Variants in MAGI1 observed in about 807,000 individuals in gnomAD.
MAGI1 encodes the protein membrane-associated guanylate kinase, WW and PDZ domain-containing protein 1.
A neutral mutation model predicts 139.9 loss-of-function variants in MAGI1; 58 were observed. The ratio of observed to expected loss-of-function variants is 0.41; its 90% confidence interval spans 0.34 to 0.52. MAGI1 has a LOEUF of 0.52. MAGI1 is among the 20% of genes least tolerant of loss of function. The probability of loss-of-function intolerance (pLI) is 0.12; values close to 1 mark genes in which losing one functional copy is unlikely to be tolerated. For missense variants in MAGI1, 1,874 were observed against 1,901.6 expected, an observed-to-expected ratio of 0.99 and a Z score of 0.27; for synonymous variants, 812 against 737.9, an observed-to-expected ratio of 1.10 and a Z score of -1.63.
At chr3:65,928,236 G>A (rs2062619489) in intron 1 of MAGI1, among the ~76,000 whole-genome samples, 3 of 152,168 alleles carry the variant, frequency 2.0e-5, no homozygotes, top group Admixed American at 2.0e-4. Context: ...GGTTCACTGA[G>A]TTTACAGTGG....
chr3:65,800,426 T>C (rs4688604), intron 1 of MAGI1, among the ~76,000 whole-genome samples: 26,910 of 152,142 alleles, frequency 0.18, 2,942 homozygotes, highest in East Asian at 0.33. Context: ...ATTTCTTTTT[T>C]ATCCCCACAA....
At chr3:65,507,221 G>A (rs967847963) in intron 2 of MAGI1, among the ~76,000 whole-genome samples, 2 of 152,236 alleles carry the variant, frequency 1.3e-5, no homozygotes, top group Non-Finnish European at 2.9e-5. Flanking sequence ...GCAGTATCAT[G>A]TTGAAGCAGG....
intron 5 of MAGI1, among the ~76,000 whole-genome samples, chr3:65,458,235 A>G (rs1390170402): frequency 6.6e-6 from 1 of 152,016 alleles, no homozygotes; most frequent in Non-Finnish European, 1.5e-5. Flanking sequence ...AATCATGACT[A>G]TGGCGAATAG....
At chr3:65,463,379 G>T (rs1231227893) in intron 5 of MAGI1, among the ~76,000 whole-genome samples, 4 of 152,128 alleles carry the variant, frequency 2.6e-5, no homozygotes, top group Non-Finnish European at 5.9e-5. Flanking sequence ...TTTGTCATTG[G>T]TTCTGTTTAT....
At chr3:65,529,430 C>T (rs1246399124) in intron 2 of MAGI1, among the ~76,000 whole-genome samples, 1 of 152,150 alleles carries the variant, frequency 6.6e-6, no homozygotes, top group Admixed American at 6.5e-5. Context: ...ATATTTCATA[C>T]AAATGGAATG....
chr3:65,451,919 A>G (rs937355405), intron 6 of MAGI1, among the ~76,000 whole-genome samples: 2 of 152,196 alleles, frequency 1.3e-5, no homozygotes, highest in African/African-American at 4.8e-5. Context: ...AAGTGCTGAG[A>G]TTACAGGTAT....
At chr3:65,522,604 A>T (rs1181160737) in intron 2 of MAGI1, among the ~76,000 whole-genome samples, 3 of 152,206 alleles carry the variant, frequency 2.0e-5, no homozygotes, top group Non-Finnish European at 2.9e-5. Context: ...TCTACACAGT[A>T]AAACACAAAT....
chr3:65,869,730 G>A (rs2059871982), intron 1 of MAGI1, among the ~76,000 whole-genome samples: 2 of 151,926 alleles, frequency 1.3e-5, no homozygotes, highest in Admixed American at 1.3e-4. Flanking sequence ...GTATTCCAAG[G>A]GCCTACAACA....
chr3:66,013,536 C>A (rs368272416), intron 1 of MAGI1, among the ~76,000 whole-genome samples: 1 of 151,588 alleles, frequency 6.6e-6, no homozygotes, highest in Admixed American at 6.6e-5. Flanking sequence ...CCAAGGTGGG[C>A]GGATCACGAG....
At chr3:65,590,992 T>A (rs867374886) in intron 2 of MAGI1, among the ~76,000 whole-genome samples, 6 of 152,184 alleles carry the variant, frequency 3.9e-5, no homozygotes, top group African/African-American at 7.2e-5. Flanking sequence ...TCTCTTTAAC[T>A]CAGTGATGCC....
At chr3:65,835,681 A>G (rs75706150) in intron 1 of MAGI1, among the ~76,000 whole-genome samples, 5,872 of 152,330 alleles carry the variant, frequency 0.039, 183 homozygotes, top group Non-Finnish European at 0.063. Flanking sequence ...CACTAATATT[A>G]TATTTTTGTA....
intron 1 of MAGI1, among the ~76,000 whole-genome samples, chr3:65,782,191 G>A (rs1195327676): frequency 6.6e-6 from 1 of 152,104 alleles, no homozygotes; most frequent in Non-Finnish European, 1.5e-5. Flanking sequence ...TGACAAAGGG[G>A]AATTAAGGTC....
chr3:66,018,333 T>C (rs935091117), intron 1 of MAGI1, among the ~76,000 whole-genome samples: 1 of 152,210 alleles, frequency 6.6e-6, no homozygotes, highest in African/African-American at 2.4e-5. Flanking sequence ...CATTTGGCCA[T>C]ACTCTAGTAC....
chr3:65,412,992 C>A (rs941953102), intron 12 of MAGI1, among the ~76,000 whole-genome samples: 5 of 152,148 alleles, frequency 3.3e-5, no homozygotes, highest in Admixed American at 3.3e-4. Context: ...AGCTTCATAT[C>A]CTTACTTACT....
At chr3:65,491,040 C>T (rs1392063185) in intron 3 of MAGI1, among the ~76,000 whole-genome samples, 1 of 152,034 alleles carries the variant, frequency 6.6e-6, no homozygotes, top group African/African-American at 2.4e-5. Context: ...TTCTACAAGA[C>T]AATCAGACAT....
chr3:65,759,390 G>A (rs2036831011), intron 1 of MAGI1, among the ~76,000 whole-genome samples: 1 of 152,164 alleles, frequency 6.6e-6, no homozygotes, highest in South Asian at 2.1e-4. Flanking sequence ...TTACATCTGT[G>A]CTTAGCACAA....
chr3:65,391,291 T>C lies in MAGI1; in HGVS notation c.2267A>G (p.His756Arg), dbSNP rs1359252531. Reference sequence around the variant, plus strand: ...TGTGCTGTGGCTTGGGGATGCTGTGTGCAGGCTTCGGTGGCTGGAAACACT... The same window carrying C: ...TGTGCTGTGGCTTGGGGATGCTGTGCGCAGGCTTCGGTGGCTGGAAACACT... ...QHSVSSHRSL[H>R]TASPSHSTQV... The change falls in exon 14 of 23, where the codon CAC becomes CGC. Residue 756 changes from histidine to arginine, a missense_variant. Physicochemically the swap from His to Arg is conservative, Grantham distance 29. This residue lies in a region of MAGI1 where 482 missense variants were observed against 509.6 expected (regional missense o/e 0.95). Transcript: ENST00000402939. 2 of 1,614,214 alleles carry C rather than the reference T, an allele frequency of 1.2e-6. No homozygotes were observed. Among genetic ancestry groups the C allele is most frequent in the Non-Finnish European group, 1.7e-6 (2 of 1,180,042 alleles).
At chr3:65,772,455 C>T (rs758963121) in intron 1 of MAGI1, among the ~76,000 whole-genome samples, 1 of 152,120 alleles carries the variant, frequency 6.6e-6, no homozygotes, top group Middle Eastern at 3.2e-3. Context: ...CTGGGATGGC[C>T]AATCACCACC....
Position 65,908,114 on chromosome 3 carries a change from C to A in MAGI1, c.313+129882G>T, listed in dbSNP as rs1426655400. Among the ~76,000 whole-genome samples the A allele has an allele frequency of 2.6e-5, 4 of 152,276 alleles. No individual in the cohort carries two copies. The East Asian group carries it at 7.7e-4, about 29-fold the overall frequency. ...ACAAACATGCCCTGAAGGAAAAGTT[C>A]TTATAAATGAATCCAAAATAACAGA... On this transcript the variant is annotated intron_variant, in intron 1 of 22. Coordinates refer to ENST00000402939, the MANE Select transcript of MAGI1 (RefSeq NM_001033057.2).
Sources: gnomAD v4.1 joint callset for allele counts (sites outside exome capture counted in the v4.1 genomes callset) on GRCh38, gnomAD v4.1.1 for gene constraint, gnomAD v4.1.1 regional missense constraint, MANE v1.5 for transcripts, NCBI Gene and HGNC (gene_info 2026-07-23, HGNC 2026-07-21) for gene names.